The following AGAP1 variants were observed in gnomAD, a reference collection of about 807,000 sequenced individuals.
The protein encoded by AGAP1 is ArfGAP with GTPase domain, ankyrin repeat and PH domain 1.
Under a neutral mutation model 105.3 loss-of-function variants are expected in AGAP1, and 29 were observed. The observed-to-expected ratio is 0.28, with a 90% CI of 0.21 to 0.38. AGAP1 has a LOEUF of 0.38. Ranked by LOEUF, AGAP1 falls within the 10% of genes least tolerant of loss-of-function variation. AGAP1 has a pLI of 1.00. For synonymous variants in AGAP1, 509 were observed against 485.9 expected, an observed-to-expected ratio of 1.05 and a Z score of -0.63; for missense variants, 998 against 1,165.1, an observed-to-expected ratio of 0.86 and a Z score of 2.09.
chr2:236,061,209 C>T lies in AGAP1; in HGVS notation c.2114+11928C>T, dbSNP rs1016267889. Reference sequence around the variant, plus strand: ...ATGCAGATCACCCTTGAGCCCCCACCGCACGTGCTCTTGGACGGTCGTGGC... The same window carrying T: ...ATGCAGATCACCCTTGAGCCCCCACTGCACGTGCTCTTGGACGGTCGTGGC... On this transcript the variant is annotated intron_variant, in intron 16 of 17. Coordinates refer to ENST00000304032, the MANE Select transcript of AGAP1 (RefSeq NM_001037131.3). The surrounding 1 kb of genome is among the most constrained non-coding windows in gnomAD (Gnocchi z 4.1). Among the ~76,000 whole-genome samples the T allele has an allele frequency of 3.9e-5, 6 of 152,150 alleles. No individual in the cohort carries two copies. The highest frequency in any genetic ancestry group is 1.3e-4 in the Admixed American group (2 of 15,270).
At chr2:235,785,149 T>C (rs1956544490) in intron 6 of AGAP1, among the ~76,000 whole-genome samples, 1 of 152,244 alleles carries the variant, frequency 6.6e-6, no homozygotes, top group South Asian at 2.1e-4. Context: ...AATGTCTTTT[T>C]TATGTAGATT....
chr2:235,699,069 T>TCC (rs5839607), intron 1 of AGAP1, among the ~76,000 whole-genome samples: 7 of 140,460 alleles, frequency 5.0e-5, no homozygotes, highest in South Asian at 2.5e-4. Context: ...GCATCAGACA[T>TCC]CCCCCCCCCC....
At chr2:235,641,556 C>T (rs1244785525) in intron 1 of AGAP1, among the ~76,000 whole-genome samples, 1 of 152,232 alleles carries the variant, frequency 6.6e-6, no homozygotes, top group Non-Finnish European at 1.5e-5. Context: ...CCGTCTGTGC[C>T]TGTGGGCTCC....
At position 235,610,768 on chromosome 2, in the gene AGAP1, A is replaced by G. The variant is rs550832476; in HGVS notation, c.164-98411A>G. ...CTGGAGTGGAAACCCTGGGCTGGGGAGGAGGTGCGCTAAGACTGGGCCACA... is the reference window on the plus strand; with the variant it reads ...CTGGAGTGGAAACCCTGGGCTGGGGGGGAGGTGCGCTAAGACTGGGCCACA... On this transcript the variant is annotated intron_variant, in intron 1 of 17. Transcript: ENST00000304032. This position sits in a 1 kb window ranked among gnomAD's most constrained non-coding sequence, Gnocchi z 4.9. 6.6e-6 allele frequency among the ~76,000 whole-genome samples: 1 copy of G among 152,036 alleles called. No individual in the cohort carries two copies. Among genetic ancestry groups the G allele is most frequent in the South Asian group, 2.1e-4 (1 of 4,796 alleles).
intron 1 of AGAP1, among the ~76,000 whole-genome samples, chr2:235,584,135 C>G (rs62189175): frequency 0.086 from 13,018 of 151,066 alleles, 781 homozygotes; most frequent in Non-Finnish European, 0.13. Flanking sequence ...AGCATGACAT[C>G]AGGCTGTCTT....
Position 235,816,033 on chromosome 2 carries a change from T to C in AGAP1, c.1050+8702T>C, listed in dbSNP as rs144260767. ...AAGAGCCTGTGGATTGGGCAGGTGC[T>C]CACTGTCCGTCAGTTGTGTCACTGG... On this transcript the variant is annotated intron_variant, in intron 9 of 17. Coordinates refer to ENST00000304032, the MANE Select transcript of AGAP1 (RefSeq NM_001037131.3). Among the ~76,000 whole-genome samples the C allele has an allele frequency of 2.9e-3, 441 of 152,326 alleles. 2 individuals carry two copies. Among genetic ancestry groups the C allele is most frequent in the East Asian group, 0.02 (104 of 5,174 alleles).
intron 1 of AGAP1, among the ~76,000 whole-genome samples, chr2:235,525,461 A>G (rs1276752888): frequency 6.6e-6 from 1 of 152,038 alleles, no homozygotes; most frequent in African/African-American, 2.4e-5. Context: ...ACTGATACAT[A>G]ACGTGGAGGA....
At position 235,937,089 on chromosome 2, in the gene AGAP1, A is replaced by G. The variant is rs116572952; in HGVS notation, c.1483+6166A>G. The stretch of plus-strand genomic sequence containing the variant: ...ACTGATGCTGAAGTTTCCTTTATCA[A>G]TTCTTCCCAAATCTTGGCTGGCATT... On this transcript the variant is annotated intron_variant, in intron 12 of 17. Transcript: ENST00000304032. Among the ~76,000 whole-genome samples the G allele has an allele frequency of 1.2e-3, 182 of 152,266 alleles. 1 individual carries two copies. The highest frequency in any genetic ancestry group is 4.2e-3 in the African/African-American group (176 of 41,550).
chr2:235,655,722 C>G lies in AGAP1; in HGVS notation c.164-53457C>G, dbSNP rs544749649. Reference sequence around the variant, plus strand: ...TGCAAGTCCACATGGAGCAGGATTCCTTATTTTGTGAAGAAAGGATCTTTA... The same window carrying G: ...TGCAAGTCCACATGGAGCAGGATTCGTTATTTTGTGAAGAAAGGATCTTTA... On this transcript the variant is annotated intron_variant, in intron 1 of 17. Coordinates refer to ENST00000304032, the MANE Select transcript of AGAP1 (RefSeq NM_001037131.3). This position sits in a 1 kb window ranked among gnomAD's most constrained non-coding sequence, Gnocchi z 4.3. Among the ~76,000 whole-genome samples the G allele has an allele frequency of 6.6e-6, 1 of 152,318 alleles. No individual in the cohort carries two copies. Among genetic ancestry groups the G allele is most frequent in the Admixed American group, 6.5e-5 (1 of 15,302 alleles).
intron 9 of AGAP1, among the ~76,000 whole-genome samples, chr2:235,827,866 T>C (rs543562332): frequency 4.6e-5 from 7 of 152,224 alleles, no homozygotes; most frequent in Admixed American, 6.5e-5. Flanking sequence ...TGCTGGGATG[T>C]TGCTAGCATG....
intron 12 of AGAP1, among the ~76,000 whole-genome samples, chr2:235,932,261 G>C (rs1050750119): frequency 6.6e-6 from 1 of 152,118 alleles, no homozygotes; most frequent in African/African-American, 2.4e-5. Context: ...GTACCTCCAT[G>C]AGCCTCCGTT....
chr2:235,505,025 G>C (rs931505189), intron 1 of AGAP1, among the ~76,000 whole-genome samples: 6 of 152,146 alleles, frequency 3.9e-5, no homozygotes, highest in Non-Finnish European at 8.8e-5. Context: ...GCAGAAGTCA[G>C]TTGTCAACTG....
rs1945698195 is a variant in AGAP1 at position 235,600,635 on chromosome 2, A to G, written c.163+105786A>G. On this transcript the variant is annotated intron_variant, in intron 1 of 17. Transcript: ENST00000304032. The surrounding 1 kb of genome is among the most constrained non-coding windows in gnomAD (Gnocchi z 4.8). Reference sequence around the variant, plus strand: ...CGAAAGCTGAAGAACTTGGAGCCTGATGTTCGAGGGCAGGAAGCATCCAGC... The same window carrying G: ...CGAAAGCTGAAGAACTTGGAGCCTGGTGTTCGAGGGCAGGAAGCATCCAGC... Among the ~76,000 whole-genome samples the G allele has an allele frequency of 6.6e-6, 1 of 152,208 alleles. No homozygotes were observed. The highest frequency in any genetic ancestry group is 2.4e-5 in the African/African-American group (1 of 41,448).
At chr2:235,800,119 T>TTTTTTTTC (rs1559502689) in intron 8 of AGAP1, among the ~76,000 whole-genome samples, 1 of 149,686 alleles carries the variant, frequency 6.7e-6, no homozygotes. Flanking sequence ...TTTTTTTTTT[T>TTTTTTTTC]CTTTTGAGAC....
In AGAP1 at chr2:235,623,768, T is replaced by C. The variant is rs35372411; in HGVS notation, c.164-85411T>C. Among the ~76,000 whole-genome samples the C allele has an allele frequency of 0.18, 27,010 of 152,172 alleles. 2,744 individuals are homozygous for C. Among genetic ancestry groups the C allele is most frequent in the East Asian group, 0.38 (1,971 of 5,176 alleles). On this transcript the variant is annotated intron_variant, in intron 1 of 17. Transcript: ENST00000304032. This position sits in a 1 kb window ranked among gnomAD's most constrained non-coding sequence, Gnocchi z 4.5. Reference sequence around the variant, plus strand: ...AGCCTCCCTAAGCCATTAATTTACATGTCAGATTTTTTTGAGTATTGTAGT... The same window carrying C: ...AGCCTCCCTAAGCCATTAATTTACACGTCAGATTTTTTTGAGTATTGTAGT...
intron 1 of AGAP1, among the ~76,000 whole-genome samples, chr2:235,627,192 G>GTTTTTTTTTTT (rs36086999): frequency 1.0e-4 from 10 of 95,588 alleles, no homozygotes; most frequent in African/African-American, 2.2e-4. Flanking sequence ...CTGTTTTGAG[G>GTTTTTTTTTTT]TTTTTTTTTT....
chr2:236,110,476 T>C (rs2125934278), intron 16 of AGAP1, among the ~76,000 whole-genome samples: 1 of 152,066 alleles, frequency 6.6e-6, no homozygotes, highest in Middle Eastern at 3.4e-3. Context: ...GGCAGGAGGA[T>C]GACTTGAGCC....
chr2:235,772,059 G>T (rs139700704), intron 6 of AGAP1, among the ~76,000 whole-genome samples: 2,250 of 145,470 alleles, frequency 0.015, 53 homozygotes, highest in African/African-American at 0.054. Context: ...GCAGTGGTGC[G>T]ATCTTGGCTT....
At position 235,556,239 on chromosome 2, in the gene AGAP1, G is replaced by C. The variant is rs1033530623; in HGVS notation, c.163+61390G>C. 9.9e-5 allele frequency among the ~76,000 whole-genome samples: 15 copies of C among 152,254 alleles called. No homozygotes were observed. The highest frequency in any genetic ancestry group is 3.6e-4 in the African/African-American group (15 of 41,472). Reference sequence around the variant, plus strand: ...TGGCCAATCACAGAGCACCCTTTCTGTCCAGGCCACTGATCAGCCCCCAGG... The same window carrying C: ...TGGCCAATCACAGAGCACCCTTTCTCTCCAGGCCACTGATCAGCCCCCAGG... On this transcript the variant is annotated intron_variant, in intron 1 of 17. Coordinates refer to ENST00000304032, the MANE Select transcript of AGAP1 (RefSeq NM_001037131.3). The surrounding 1 kb of genome is among the most constrained non-coding windows in gnomAD (Gnocchi z 5.3).
Sources: allele counts gnomAD v4.1 joint callset (sites outside exome capture counted in the v4.1 genomes callset), GRCh38; gene constraint gnomAD v4.1.1; non-coding constraint Gnocchi (gnomAD v3.1); transcripts MANE v1.5; gene names NCBI Gene and HGNC (gene_info 2026-07-23, HGNC 2026-07-21).